The following LRP1B variants were observed in gnomAD, a reference collection of about 807,000 sequenced individuals.
LRP1B encodes the protein LDL receptor related protein 1B.
In LRP1B, 217 loss-of-function variants were observed where a neutral mutation model predicts 556.6. The observed-to-expected ratio is 0.39, with a 90% CI of 0.35 to 0.44. LRP1B has a LOEUF of 0.44. Among genes scored for constraint, LRP1B ranks in the 20% least tolerant of loss-of-function variants. The pLI is 1.00. For missense variants in LRP1B, 5,053 were observed against 5,620.8 expected (o/e 0.90, Z 3.23); for synonymous variants, 2,047 against 1,865.8 (o/e 1.10, Z -2.50).
chr2:141,491,671 T>G (rs1683340655), intron 2 of LRP1B, among the ~76,000 whole-genome samples: 1 of 152,110 alleles, frequency 6.6e-6, no homozygotes, highest in Non-Finnish European at 1.5e-5. Flanking sequence ...GGGGTCTTAC[T>G]GCTAGAAAGG....
chr2:142,014,311 A>T (rs1703050697), intron 1 of LRP1B, among the ~76,000 whole-genome samples: 1 of 152,160 alleles, frequency 6.6e-6, no homozygotes, highest in East Asian at 1.9e-4. Flanking sequence ...TAAAAAAGAC[A>T]TGTTGATGAA....
At chr2:141,318,604 T>C (rs1211915955) in intron 3 of LRP1B, among the ~76,000 whole-genome samples, 1 of 152,080 alleles carries the variant, frequency 6.6e-6, no homozygotes, top group African/African-American at 2.4e-5. Context: ...GAGATCATAA[T>C]AATGGCTTGG....
chr2:141,862,944 T>C (rs549998195), intron 1 of LRP1B, among the ~76,000 whole-genome samples: 1 of 152,336 alleles, frequency 6.6e-6, no homozygotes, highest in South Asian at 2.1e-4. Flanking sequence ...TAATAAGCTC[T>C]ATCTAATAGA....
At chr2:141,727,150 G>GA (rs1045562428) in intron 2 of LRP1B, among the ~76,000 whole-genome samples, 9 of 151,854 alleles carry the variant, frequency 5.9e-5, no homozygotes, top group African/African-American at 2.2e-4. Flanking sequence ...ATCTTGAGGG[G>GA]AAAAAATCTT....
At chr2:140,877,673 A>T (rs1693351511) in intron 25 of LRP1B, among the ~76,000 whole-genome samples, 1 of 152,078 alleles carries the variant, frequency 6.6e-6, no homozygotes, top group Admixed American at 6.6e-5. Context: ...GAAGCAGGCA[A>T]CCATTTGTGT....
chr2:141,251,412 T>C (rs953482815), intron 4 of LRP1B, among the ~76,000 whole-genome samples: 1 of 152,024 alleles, frequency 6.6e-6, no homozygotes, highest in East Asian at 1.9e-4. Context: ...TTGTGGATAA[T>C]AAAGGAGGAG....
chr2:140,868,073 T>A (rs755623648), intron 26 of LRP1B, 26 bp downstream of exon 26: 1 of 1,562,010 alleles, frequency 6.4e-7, no homozygotes, highest in South Asian at 1.2e-5. Context: ...AAAAAAAAAA[T>A]ACAGAAAAGA....
At chr2:142,105,752 C>G (rs907623888) in intron 1 of LRP1B, among the ~76,000 whole-genome samples, 2 of 152,112 alleles carry the variant, frequency 1.3e-5, no homozygotes, top group African/African-American at 4.8e-5. Flanking sequence ...CACTACCTAG[C>G]AGTGATTCTT....
At chr2:140,485,660 T>C (rs993223224) in intron 58 of LRP1B, 136 bp from the exon 59 acceptor site, 6 of 596,856 alleles carry the variant, frequency 1.0e-5, no homozygotes, top group African/African-American at 9.5e-5. Flanking sequence ...AGAGAATAAT[T>C]GACCGCAATA....
At chr2:141,043,465 T>C (rs997639157) in intron 11 of LRP1B, among the ~76,000 whole-genome samples, 1 of 151,828 alleles carries the variant, frequency 6.6e-6, no homozygotes, top group African/African-American at 2.4e-5. Flanking sequence ...AAAAGTTTGG[T>C]AAAGAAAGCC....
rs562440342 is a variant in LRP1B, at chr2:140,337,039, G to A, written c.11893-1201C>T. Among the ~76,000 whole-genome samples, 3 of 151,914 alleles carry A rather than the reference G, an allele frequency of 2.0e-5. 1 individual carries two copies. In the South Asian group the frequency reaches 6.2e-4, roughly 31 times the overall value. ...TAACACATGAAGTCTTCTTGTGTGG[G>A]TTCGGAGGAACCAATATTATCAATC... On this transcript the variant is annotated intron_variant, in intron 77 of 90. Transcript: ENST00000389484.
intron 1 of LRP1B, among the ~76,000 whole-genome samples, chr2:142,082,888 T>C (rs772215207): frequency 1.1e-4 from 16 of 152,216 alleles, no homozygotes; most frequent in Non-Finnish European, 1.9e-4. Context: ...GGATGGGCTT[T>C]TTTTTGTGGC....
chr2:141,843,996 C>T (rs572549654), intron 1 of LRP1B, among the ~76,000 whole-genome samples: 2 of 152,278 alleles, frequency 1.3e-5, no homozygotes, highest in South Asian at 2.1e-4. Flanking sequence ...TTCACTCCTT[C>T]ATTGCAGACT....
intron 3 of LRP1B, among the ~76,000 whole-genome samples, chr2:141,353,087 T>C (rs1000254555): frequency 6.6e-6 from 1 of 151,998 alleles, no homozygotes; most frequent in African/African-American, 2.4e-5. Flanking sequence ...AGTCATGTCA[T>C]AAGTCAAAAC....
At chr2:140,747,048 T>C (rs1411057148) in intron 35 of LRP1B, among the ~76,000 whole-genome samples, 1 of 152,156 alleles carries the variant, frequency 6.6e-6, no homozygotes, top group African/African-American at 2.4e-5. Context: ...CAGCTGTGCA[T>C]TTTGGACAAG....
intron 53 of LRP1B, 135 bp from the exon 54 acceptor site, chr2:140,503,238 T>G (rs1439618543): frequency 1.2e-6 from 1 of 813,182 alleles, no homozygotes. Context: ...CATTTCTTTC[T>G]GTAACAGTGG....
intron 83 of LRP1B, among the ~76,000 whole-genome samples, chr2:140,310,408 C>T (rs140279806): frequency 0.016 from 1,840 of 113,364 alleles, 44 homozygotes; most frequent in African/African-American, 0.059. Context: ...AAAATTCATA[C>T]GGAACCAAAA....
Position 140,440,569 on chromosome 2 carries a change from AG to A in LRP1B, c.10414+1934del, listed in dbSNP as rs1396442357. Among the ~76,000 whole-genome samples, 3 of 152,286 alleles carry A rather than the reference AG, an allele frequency of 2.0e-5. No individual in the cohort carries two copies. In the East Asian group the frequency reaches 5.8e-4, roughly 29 times the overall value. On this transcript the variant is annotated intron_variant, in intron 66 of 90. Coordinates refer to ENST00000389484, the MANE Select transcript of LRP1B (RefSeq NM_018557.3). ...ATATGTAACATTTCTGTATTTATTG[AG>A]GACAAAAGAGAAGGGAACAAAGTGG...
intron 11 of LRP1B, among the ~76,000 whole-genome samples, chr2:141,032,811 G>GTATATACATACA (rs1698410631): frequency 1.3e-5 from 1 of 79,118 alleles, no homozygotes; most frequent in African/African-American, 4.8e-5. Context: ...ATGTGTGTGT[G>GTATATACATACA]TATATATATA....
Sources: gnomAD v4.1 joint callset for allele counts (sites outside exome capture counted in the v4.1 genomes callset) on GRCh38, gnomAD v4.1.1 for gene constraint, MANE v1.5 for transcripts, NCBI Gene and HGNC (gene_info 2026-07-23, HGNC 2026-07-21) for gene names.